The following ESYT2 variants were observed in gnomAD, a reference collection of about 807,000 sequenced individuals.
ESYT2 encodes the protein extended synaptotagmin-2.
A neutral mutation model predicts 107.2 loss-of-function variants in ESYT2; 54 were observed. The observed-to-expected ratio is 0.50, with a 90% confidence interval of 0.40 to 0.63. The LOEUF (loss-of-function observed/expected upper bound fraction) is 0.63, where lower values mean the gene tolerates loss of function less well. Among genes scored for constraint, ESYT2 ranks in the 30% least tolerant of loss-of-function variants. The pLI is 0.00. For synonymous variants in ESYT2, 491 were observed against 434.1 expected, an observed-to-expected ratio of 1.13 and a Z score of -1.63; for missense variants, 1,020 against 1,094.5, an observed-to-expected ratio of 0.93 and a Z score of 0.96.
At chr7:158,773,651 T>C (rs930831214) in intron 6 of ESYT2, among the ~76,000 whole-genome samples, 4 of 152,234 alleles carry the variant, frequency 2.6e-5, no homozygotes, top group African/African-American at 9.6e-5. Flanking sequence ...CTCCTATGGA[T>C]GGATACTTAG....
At chr7:158,742,111 G>A (rs555492635) in intron 17 of ESYT2, among the ~76,000 whole-genome samples, 15 of 152,296 alleles carry the variant, frequency 9.8e-5, no homozygotes, top group African/African-American at 3.4e-4. Flanking sequence ...AAGCTGCACA[G>A]GCCAGAGTGC....
At chr7:158,811,846 C>G (rs1840001639) in intron 1 of ESYT2, among the ~76,000 whole-genome samples, 2 of 152,198 alleles carry the variant, frequency 1.3e-5, no homozygotes, top group Non-Finnish European at 1.5e-5. Context: ...GCCAAGATCC[C>G]TGAAAGAGGA....
chr7:158,784,916 C>A (rs1349210381), intron 6 of ESYT2, among the ~76,000 whole-genome samples: 1 of 152,240 alleles, frequency 6.6e-6, no homozygotes, highest in East Asian at 1.9e-4. Context: ...AAGCCTAGGA[C>A]CATTTCTAAG....
chr7:158,749,812 T>C (rs1837525381), intron 14 of ESYT2, 89 bp from the exon 15 acceptor site: 3 of 1,163,688 alleles, frequency 2.6e-6, no homozygotes, highest in South Asian at 2.8e-5. Flanking sequence ...CTTATATTAG[T>C]AGTCATTTTT....
chr7:158,795,479 G>A (rs1839429721), intron 3 of ESYT2, among the ~76,000 whole-genome samples: 3 of 152,228 alleles, frequency 2.0e-5, no homozygotes, highest in Admixed American at 2.0e-4. Context: ...GGCTAAATGT[G>A]CCTTTGGCCT....
In ESYT2 at chr7:158,731,444, GGCGT is replaced by G. The variant is rs746137603; in HGVS notation, c.*2759_*2762del. On this transcript the variant is annotated 3_prime_UTR_variant, in exon 23 of 23. Coordinates refer to ENST00000275418, the MANE Select transcript of ESYT2 (RefSeq NM_001367773.1). ...AGCCTCCCGAGTAGCTGGGACTACA[GGCGT>G]GCGCTCCACCACCACGCCCGGCTAA... 6.7e-6 allele frequency: 1 copy of G among 149,970 alleles called. No individual in the cohort carries two copies. Among genetic ancestry groups the G allele is most frequent in the Non-Finnish European group, 1.5e-5 (1 of 67,174 alleles). The allele number at this position is 149,970 out of a possible 1,614,324, so 9.3% of individuals were successfully genotyped here.
At chr7:158,789,198 GA>G (rs756138781) in intron 4 of ESYT2, among the ~76,000 whole-genome samples, 19 of 152,204 alleles carry the variant, frequency 1.2e-4, no homozygotes, top group Non-Finnish European at 1.9e-4. Flanking sequence ...AGGAATCTGG[GA>G]TAAGTTTCTT....
intron 13 of ESYT2, among the ~76,000 whole-genome samples, chr7:158,753,619 T>G (rs1024618896): frequency 1.0e-4 from 15 of 145,892 alleles, no homozygotes; most frequent in African/African-American, 2.6e-4. Flanking sequence ...TTTTTTTTTT[T>G]GCTAAGCAAA....
chr7:158,745,738 T>C (rs1291059993), intron 16 of ESYT2, among the ~76,000 whole-genome samples: 1 of 150,950 alleles, frequency 6.6e-6, no homozygotes, highest in Non-Finnish European at 1.5e-5. Context: ...CAGACCAAAA[T>C]AACCCATACA....
At chr7:158,804,491 C>T (rs1453945823) in intron 1 of ESYT2, among the ~76,000 whole-genome samples, 272 of 139,852 alleles carry the variant, frequency 1.9e-3, no homozygotes, top group African/African-American at 6.5e-3. Flanking sequence ...GGGTGAGGCG[C>T]GTGACAAACC....
chr7:158,741,487 C>T lies in ESYT2; in HGVS notation c.2168+36G>A, dbSNP rs187770690. ...CAGCGTGGGGTGGGGGGCGCTTGCT[C>T]TGCTGGTGAGAAACAACATGGTGGC... On this transcript the variant is annotated intron_variant, in intron 18 of 22. Coordinates refer to ENST00000275418, the MANE Select transcript of ESYT2 (RefSeq NM_001367773.1). 4 of 1,526,066 alleles carry T rather than the reference C, an allele frequency of 2.6e-6. No individual in the cohort carries two copies. The Admixed American group carries it at 8.2e-5, about 31-fold the overall frequency. 94.5% of individuals were successfully genotyped at this position (1,526,066 alleles called of 1,614,324 possible).
At chr7:158,794,883 C>T (rs1839414701) in intron 3 of ESYT2, among the ~76,000 whole-genome samples, 1 of 152,202 alleles carries the variant, frequency 6.6e-6, no homozygotes, top group Non-Finnish European at 1.5e-5. Flanking sequence ...AACTCTAAGC[C>T]TTTACTTGAA....
Position 158,731,178 on chromosome 7 carries a change from C to G in ESYT2, c.*3029G>C, listed in dbSNP as rs1246912255. The G allele has an allele frequency of 6.6e-6, 1 of 152,262 alleles. No individual in the cohort carries two copies. The highest frequency in any genetic ancestry group is 2.4e-5 in the African/African-American group (1 of 41,466). 9.4% of individuals were successfully genotyped at this position (152,262 alleles called of 1,614,324 possible). Reference sequence around the variant, plus strand: ...CACAGAAAAAACACACAGCTACACACAGGCCTGCATTTGGCTTATGTGCCT... The same window carrying G: ...CACAGAAAAAACACACAGCTACACAGAGGCCTGCATTTGGCTTATGTGCCT... On this transcript the variant is annotated 3_prime_UTR_variant, in exon 23 of 23. Transcript: ENST00000275418.
chr7:158,782,818 CTG>C (rs1317520972), intron 6 of ESYT2, among the ~76,000 whole-genome samples: 1 of 152,046 alleles, frequency 6.6e-6, no homozygotes, highest in Non-Finnish European at 1.5e-5. Flanking sequence ...GAGAACAAGT[CTG>C]TGAGAATGAG....
rs1186774353 is a variant in ESYT2, at chr7:158,814,273, CA to C, written c.330+14815del. ...TGGGCGACAGAGCGAGACTCCGTCT[CA>C]AAAAAAAAAAAATTATATATATATA... On this transcript the variant is annotated intron_variant, in intron 1 of 22. Coordinates refer to ENST00000275418, the MANE Select transcript of ESYT2 (RefSeq NM_001367773.1). Among the ~76,000 whole-genome samples, 785 of 98,376 alleles carry C rather than the reference CA, an allele frequency of 8.0e-3. 49 individuals carry two copies. The highest frequency in any genetic ancestry group is 0.028 in the African/African-American group (698 of 24,540). 64.5% of individuals were successfully genotyped at this position (98,376 alleles called of 152,430 possible). A position where few individuals can be genotyped will look rare whatever the true frequency, so the allele number is the denominator to read the frequency against.
At position 158,792,160 on chromosome 7, in the gene ESYT2, C is replaced by CTTT. The variant is rs113589859; in HGVS notation, c.584+1487_584+1489dup. 3.3e-3 allele frequency among the ~76,000 whole-genome samples: 408 copies of CTTT among 123,354 alleles called. 3 individuals carry two copies. The highest frequency in any genetic ancestry group is 0.011 in the African/African-American group (372 of 33,168). The allele number at this position is 123,354 out of a possible 152,430, so 80.9% of individuals were successfully genotyped here. The stretch of plus-strand genomic sequence containing the variant: ...AATTTATTTCTTAGTTCCACGAGTT[C>CTTT]TTTTTTTTTTTTTTTTGGTGGGATC... On this transcript the variant is annotated intron_variant, in intron 4 of 22. Coordinates refer to ENST00000275418, the MANE Select transcript of ESYT2 (RefSeq NM_001367773.1).
At chr7:158,759,430 G>A (rs568834388) in intron 13 of ESYT2, 56 bp downstream of exon 13, 1 of 1,393,898 alleles carries the variant, frequency 7.2e-7, no homozygotes, top group South Asian at 1.2e-5. Flanking sequence ...GTGGTTATAA[G>A]CAAGAGCAGC....
chr7:158,736,612 G>GT (rs1294195912), intron 20 of ESYT2, among the ~76,000 whole-genome samples: 1 of 145,124 alleles, frequency 6.9e-6, no homozygotes, highest in African/African-American at 2.6e-5. Flanking sequence ...TTTTCATTAT[G>GT]TTTTTTATTT....
chr7:158,739,043 G>A lies in ESYT2; in HGVS notation c.2247C>T (p.Ile749=), dbSNP rs772065700. 9 of 1,614,012 alleles carry A rather than the reference G, an allele frequency of 5.6e-6. No homozygotes were observed. The highest frequency in any genetic ancestry group is 1.1e-5 in the South Asian group (1 of 91,070). The change falls in exon 19 of 23, where the codon ATC becomes ATT. Residue 749 remains isoleucine (I), a synonymous_variant. Transcript: ENST00000275418. ...IRHSSQRNKL[I]VVVHACRNLI... ...CCCACCTGCAGGCATGCACGACCAC[G>A]ATAAGCTTGTTTCTCTGCGAGCTGT...
Sources: allele counts gnomAD v4.1 joint callset (sites outside exome capture counted in the v4.1 genomes callset), GRCh38; gene constraint gnomAD v4.1.1; transcripts MANE v1.5; gene names NCBI Gene and HGNC (gene_info 2026-07-23, HGNC 2026-07-21).